GSE1: variants seen among roughly 807,000 people sequenced by gnomAD.
GSE1 encodes Gse1 coiled-coil protein.
In GSE1, 32 loss-of-function variants were observed where a neutral mutation model predicts 112.6. The observed-to-expected ratio is 0.28, with a 90% confidence interval of 0.21 to 0.38. The LOEUF (loss-of-function observed/expected upper bound fraction) is 0.38. GSE1 is among the 10% of genes least tolerant of loss of function. The pLI, the probability that GSE1 is intolerant of heterozygous loss-of-function variation, is 1.00. For missense variants in GSE1, 2,348 were observed against 1,699.2 expected (o/e 1.38, Z -6.71); for synonymous variants, 1,115 against 735.6 (o/e 1.52, Z -8.35).
At chr16:85,257,217 G>A (rs1052266473) in intron 1 of GSE1, among the ~76,000 whole-genome samples, 3 of 152,174 alleles carry the variant, frequency 2.0e-5, no homozygotes, top group East Asian at 1.9e-4. Flanking sequence ...CAAGCGATTC[G>A]CCTGCTTCAT....
chr16:85,656,472 G>GGAGCGTGAGCGTGAGAAGGAGCGC lies in GSE1; in HGVS notation c.1125_1148dup (p.Arg377_Glu384dup). 1.9e-6 allele frequency: 3 copies of GGAGCGTGAGCGTGAGAAGGAGCGC among 1,543,904 alleles called. No individual in the cohort carries two copies. Among genetic ancestry groups the GGAGCGTGAGCGTGAGAAGGAGCGC allele is most frequent in the East Asian group, 2.4e-5 (1 of 40,956 alleles). ...GCGAGAAGGAGCGCGAGCAAGAGAA[G>GGAGCGTGAGCGTGAGAAGGAGCGC]GAGCGTGAGCGTGAGAAGGAGCGCG... On this transcript the variant is annotated inframe_insertion, in exon 7 of 16. Transcript: ENST00000253458.
chr16:85,278,505 G>A (rs1485601491), intron 1 of GSE1, among the ~76,000 whole-genome samples: 1 of 152,160 alleles, frequency 6.6e-6, no homozygotes, highest in African/African-American at 2.4e-5. Context: ...AATTCACAAG[G>A]TTTGTTTTTG....
chr16:85,310,553 T>C lies in GSE1; in HGVS notation c.2284-46910T>C, dbSNP rs1001964395. Among the ~76,000 whole-genome samples, 7 of 128,096 alleles carry C rather than the reference T, an allele frequency of 5.5e-5. No homozygotes were observed. In the Admixed American group the frequency reaches 5.9e-4, roughly 11 times the overall value. 84.0% of individuals were successfully genotyped at this position (128,096 alleles called of 152,430 possible). On this transcript the variant is annotated intron_variant, in intron 1 of 2. Transcript: ENST00000637419. ...TCCTTCTCCCCCACCTCTCAGATCC[T>C]GTCACCTGCCCACTGCCCTTGGTCC...
In GSE1 at chr16:85,663,708, C is replaced by G. The variant is rs561037283; in HGVS notation, c.2644+94C>G. ...GGGGCCGGTGGACTCCAGGCAGGAT[C>G]TGCGATCACTGAGCCTGAGGCTGCC... On this transcript the variant is annotated intron_variant, in intron 11 of 15. Transcript: ENST00000253458. 1.8e-4 allele frequency: 225 copies of G among 1,253,798 alleles called. 2 individuals carry two copies. The South Asian group carries it at 2.8e-3, about 15-fold the overall frequency. The allele number at this position is 1,253,798 out of a possible 1,614,324, so 77.7% of individuals were successfully genotyped here. A position where few individuals can be genotyped will look rare whatever the true frequency, so the allele number is the denominator to read the frequency against.
intron 1 of GSE1, among the ~76,000 whole-genome samples, chr16:85,567,065 C>T (rs1000479612): frequency 6.7e-6 from 1 of 150,230 alleles, no homozygotes; most frequent in Non-Finnish European, 1.5e-5. Context: ...CCCACCCCCA[C>T]CCCCCTCCGC....
intron 1 of GSE1, among the ~76,000 whole-genome samples, chr16:85,211,897 G>A (rs938283043): frequency 3.9e-5 from 6 of 152,210 alleles, no homozygotes; most frequent in Non-Finnish European, 8.8e-5. Context: ...ACAGCTTTGA[G>A]CGCCTGGATT....
chr16:85,295,190 C>A (rs1030594908), intron 1 of GSE1, among the ~76,000 whole-genome samples: 2 of 152,218 alleles, frequency 1.3e-5, no homozygotes, highest in African/African-American at 4.8e-5. Flanking sequence ...ACTCCATGCC[C>A]CGCTTCCCAG....
intron 2 of GSE1, among the ~76,000 whole-genome samples, chr16:85,534,007 C>G (rs896332373): frequency 6.6e-6 from 1 of 152,188 alleles, no homozygotes; most frequent in African/African-American, 2.4e-5. Flanking sequence ...TAGAATAATG[C>G]TGTCACTCCA....
intron 2 of GSE1, among the ~76,000 whole-genome samples, chr16:85,403,973 G>A (rs997912556): frequency 6.6e-6 from 1 of 151,884 alleles, no homozygotes; most frequent in Non-Finnish European, 1.5e-5. Context: ...GCCGCTCACT[G>A]CAGCCTTCAG....
intron 1 of GSE1, chr16:85,593,829 C>T (rs1392229709): frequency 6.6e-6 from 1 of 152,290 alleles, no homozygotes; most frequent in Non-Finnish European, 1.5e-5. Context: ...TTTTGTTACA[C>T]CTGCCATCTG....
intron 1 of GSE1, among the ~76,000 whole-genome samples, chr16:85,590,362 T>C (rs760750130): frequency 6.8e-6 from 1 of 146,848 alleles, no homozygotes; most frequent in African/African-American, 2.6e-5. Flanking sequence ...TGCTTGTGAA[T>C]GAGTGTGAGT....
At chr16:85,343,703 T>C (rs1320876971) in intron 1 of GSE1, among the ~76,000 whole-genome samples, 2 of 152,082 alleles carry the variant, frequency 1.3e-5, no homozygotes, top group East Asian at 1.9e-4. Context: ...TGAGCTATGA[T>C]TGCACCACTG....
intron 1 of GSE1, among the ~76,000 whole-genome samples, chr16:85,217,657 T>TG (rs2075326390): frequency 6.6e-6 from 1 of 152,204 alleles, no homozygotes; most frequent in African/African-American, 2.4e-5. Flanking sequence ...ACAGGGCCTG[T>TG]GGGAGGAAGT....
In GSE1 at chr16:85,402,693, G is replaced by A. The variant is rs533701787; in HGVS notation, c.2464+45050G>A. The stretch of plus-strand genomic sequence containing the variant: ...TCCTAGCATTTCAGGAGGCTGAGGC[G>A]GGAGGTTCACTTGAGCCCAGGAGTT... On this transcript the variant is annotated intron_variant, in intron 2 of 2. Transcript: ENST00000637419. 1.2e-4 allele frequency among the ~76,000 whole-genome samples: 19 copies of A among 152,308 alleles called. No individual in the cohort carries two copies. In the South Asian group the frequency reaches 3.5e-3, roughly 28 times the overall value.
rs1462080994 is a variant in GSE1, at chr16:85,661,577, C to G, written c.2072C>G (p.Ala691Gly). 1 of 1,610,522 alleles carries G rather than the reference C, an allele frequency of 6.2e-7. No individual in the cohort carries two copies. The highest frequency in any genetic ancestry group is 2.2e-5 in the East Asian group (1 of 44,796). ...CAGACCATCCTGGGCCAGCAGCGGG[C>G]CTCCCTCCCACAGGCGGCCACCTTC... ...STQTILGQQR[A>G]SLPQAATFGE... is the part of the protein sequence containing the mutation. The change falls in exon 9 of 16, where the codon GCC (alanine) becomes GGC (glycine). Residue 691 changes from alanine to glycine, a missense_variant. Ala to Gly is a moderately conservative substitution (Grantham distance 60). Coordinates refer to ENST00000253458, the MANE Select transcript of GSE1 (RefSeq NM_014615.5).
chr16:85,584,755 T>C (rs1415482067), intron 1 of GSE1, among the ~76,000 whole-genome samples: 4 of 152,248 alleles, frequency 2.6e-5, no homozygotes, highest in Non-Finnish European at 4.4e-5. Flanking sequence ...TTTTATCCTC[T>C]AATCTCGTGC....
rs112926867 is a variant in GSE1, at chr16:85,419,338, C to T, written c.2464+61695C>T. Among the ~76,000 whole-genome samples, 184 of 152,188 alleles carry T rather than the reference C, an allele frequency of 1.2e-3. No individual in the cohort carries two copies. The highest frequency in any genetic ancestry group is 0.011 in the East Asian group (57 of 5,170). On this transcript the variant is annotated intron_variant, in intron 2 of 2. Coordinates refer to the GSE1 transcript ENST00000637419. The surrounding 1 kb of genome is among the most constrained non-coding windows in gnomAD (Gnocchi z 6.5). ...TTTGAGAATATACCAGATGGCCGGG[C>T]GTGGTGGCTCGTGCCTATAATCCCA...
chr16:85,585,597 C>G (rs2046655037), intron 1 of GSE1, among the ~76,000 whole-genome samples: 1 of 152,236 alleles, frequency 6.6e-6, no homozygotes, highest in Admixed American at 6.5e-5. Context: ...TGCCCTGTCC[C>G]AGCCCCAGTC....
rs953168713 is a variant in GSE1 at position 85,341,592 on chromosome 16, A to C, written c.2284-15871A>C. On this transcript the variant is annotated intron_variant, in intron 1 of 2. Coordinates refer to the GSE1 transcript ENST00000637419. ...AGAATCGCTTGAACCCGGGAGGCAG[A>C]GGTGCAGTGAGCAGAGATCACACCA... Among the ~76,000 whole-genome samples, 6 of 152,074 alleles carry C rather than the reference A, an allele frequency of 3.9e-5. No homozygotes were observed. The East Asian group carries it at 1.2e-3, about 29-fold the overall frequency.
Sources: gnomAD v4.1 joint callset for allele counts (sites outside exome capture counted in the v4.1 genomes callset) on GRCh38, gnomAD v4.1.1 for gene constraint, Gnocchi (gnomAD v3.1) non-coding constraint, MANE v1.5 for transcripts, NCBI Gene and HGNC (gene_info 2026-07-23, HGNC 2026-07-21) for gene names.